Variants in SYNPR observed in about 807,000 individuals in gnomAD.
The protein encoded by SYNPR is synaptoporin.
A neutral mutation model predicts 32.9 loss-of-function variants in SYNPR; 23 were observed. The ratio of observed to expected loss-of-function variants is 0.70; its 90% CI spans 0.50 to 0.99. The LOEUF is 0.99. Ranked by LOEUF, SYNPR falls within the 50% of genes least tolerant of loss-of-function variation. SYNPR has a pLI of 0.00. For missense variants in SYNPR, 318 were observed against 349.3 expected (o/e 0.91, Z 0.71); for synonymous variants, 146 against 135.9 (o/e 1.07, Z -0.52).
chr3:63,407,528 G>C (rs1302910395), intron 2 of SYNPR, among the ~76,000 whole-genome samples: 1 of 152,246 alleles, frequency 6.6e-6, no homozygotes, highest in Admixed American at 6.5e-5. Context: ...TCCATTTAAA[G>C]TGTTTAACAG....
intron 2 of SYNPR, among the ~76,000 whole-genome samples, chr3:63,426,049 T>G (rs888429008): frequency 3.9e-5 from 6 of 152,126 alleles, no homozygotes; most frequent in Non-Finnish European, 7.3e-5. Context: ...CCTCCCAAAG[T>G]GCTGGAATTA....
chr3:63,517,923 C>T (rs1157306123), intron 3 of SYNPR, among the ~76,000 whole-genome samples: 2 of 152,098 alleles, frequency 1.3e-5, no homozygotes, highest in East Asian at 3.9e-4. Context: ...AAAATTATAG[C>T]ATAGTATGGC....
At chr3:63,503,398 G>A (rs1011259711) in intron 3 of SYNPR, among the ~76,000 whole-genome samples, 1 of 152,134 alleles carries the variant, frequency 6.6e-6, no homozygotes, top group South Asian at 2.1e-4. Flanking sequence ...TCTATGGCTT[G>A]TCTTCTTCAT....
intron 3 of SYNPR, among the ~76,000 whole-genome samples, chr3:63,539,517 C>T (rs909045908): frequency 5.3e-5 from 8 of 152,022 alleles, no homozygotes; most frequent in African/African-American, 1.4e-4. Context: ...GAATGTAGAT[C>T]CTCAAAACAT....
intron 4 of SYNPR, among the ~76,000 whole-genome samples, chr3:63,570,688 T>G (rs975104455): frequency 1.3e-5 from 2 of 152,154 alleles, no homozygotes; most frequent in African/African-American, 4.8e-5. Flanking sequence ...GATTTCTCCC[T>G]CTTCTAAACC....
intron 2 of SYNPR, among the ~76,000 whole-genome samples, chr3:63,380,499 T>A (rs765544959): frequency 1.3e-5 from 2 of 152,220 alleles, no homozygotes; most frequent in Non-Finnish European, 2.9e-5. Context: ...TAGAGAAGTG[T>A]ATGTTCATAT....
At chr3:63,419,717 T>C (rs1480068440) in intron 2 of SYNPR, among the ~76,000 whole-genome samples, 1 of 152,174 alleles carries the variant, frequency 6.6e-6, no homozygotes, top group African/African-American at 2.4e-5. Context: ...TCAGGGAAGT[T>C]AGAGACTATT....
intron 3 of SYNPR, among the ~76,000 whole-genome samples, chr3:63,527,774 C>G (rs534369075): frequency 6.6e-6 from 1 of 152,246 alleles, no homozygotes; most frequent in South Asian, 2.1e-4. Context: ...TTTGCGTGGC[C>G]TTATGCTATT....
chr3:63,435,924 T>A (rs898418834), intron 2 of SYNPR, among the ~76,000 whole-genome samples: 10 of 152,198 alleles, frequency 6.6e-5, no homozygotes, highest in Non-Finnish European at 1.3e-4. Context: ...ACCAGGCCCG[T>A]AAGTTCCTGG....
At chr3:63,254,399 G>A (rs1041878474) in intron 2 of SYNPR, among the ~76,000 whole-genome samples, 24 of 152,172 alleles carry the variant, frequency 1.6e-4, no homozygotes, top group African/African-American at 3.4e-4. Flanking sequence ...CTAGTACGTC[G>A]TGAGATCAAT....
intron 2 of SYNPR, among the ~76,000 whole-genome samples, chr3:63,393,643 G>A (rs2088173692): frequency 6.6e-6 from 1 of 151,696 alleles, no homozygotes; most frequent in Non-Finnish European, 1.5e-5. Context: ...GACTGCAGGT[G>A]TGCTCCACCA....
At chr3:63,520,916 T>A (rs895070182) in intron 3 of SYNPR, among the ~76,000 whole-genome samples, 2 of 85,046 alleles carry the variant, frequency 2.4e-5, no homozygotes, top group African/African-American at 1.0e-4. Context: ...CCATTGTGCC[T>A]CTTTGGGGCC....
chr3:63,526,961 C>T (rs866425531), intron 3 of SYNPR, among the ~76,000 whole-genome samples: 27 of 152,014 alleles, frequency 1.8e-4, no homozygotes, highest in African/African-American at 5.6e-4. Flanking sequence ...ATGGGCACCA[C>T]GATAGTAGAA....
intron 2 of SYNPR, among the ~76,000 whole-genome samples, chr3:63,433,978 T>G (rs978058639): frequency 2.0e-5 from 3 of 152,094 alleles, no homozygotes; most frequent in African/African-American, 7.2e-5. Context: ...TCCCTAAGAC[T>G]GGGGTGGGTC....
intron 2 of SYNPR, among the ~76,000 whole-genome samples, chr3:63,333,907 C>T (rs1170336793): frequency 3.3e-5 from 5 of 151,968 alleles, no homozygotes; most frequent in African/African-American, 7.3e-5. Context: ...TATTAAAAGC[C>T]GAAATGTCTT....
At chr3:63,267,018 A>C (rs944280473) in intron 2 of SYNPR, among the ~76,000 whole-genome samples, 9 of 152,172 alleles carry the variant, frequency 5.9e-5, no homozygotes, top group Non-Finnish European at 1.3e-4. Context: ...TGAAAGTCAT[A>C]ATGTGGCCCT....
At chr3:63,396,042 C>T (rs1455147660) in intron 2 of SYNPR, among the ~76,000 whole-genome samples, 2 of 152,316 alleles carry the variant, frequency 1.3e-5, no homozygotes, top group Non-Finnish European at 2.9e-5. Context: ...ATAATAACCA[C>T]ACAGGCACAA....
intron 2 of SYNPR, among the ~76,000 whole-genome samples, chr3:63,291,224 GT>G (rs11333000): frequency 0.46 from 70,508 of 151,724 alleles, 16,564 homozygotes; most frequent in Middle Eastern, 0.52. Context: ...CATCAAAGGT[GT>G]TTTTTTAATG....
At chr3:63,518,967 T>A (rs11712949) in intron 3 of SYNPR, among the ~76,000 whole-genome samples, 41,046 of 152,090 alleles carry the variant, frequency 0.27, 5,583 homozygotes, top group Middle Eastern at 0.3. Context: ...GTTTTTAACA[T>A]CAAGGGATGA....
Sources: gnomAD v4.1 joint callset for allele counts (sites outside exome capture counted in the v4.1 genomes callset) on GRCh38, gnomAD v4.1.1 for gene constraint, MANE v1.5 for transcripts, NCBI Gene and HGNC (gene_info 2026-07-23, HGNC 2026-07-21) for gene names.